The following NT5C1A variants were observed in gnomAD, a reference collection of about 807,000 sequenced individuals.
NT5C1A encodes cytosolic 5'-nucleotidase 1A.
In NT5C1A, 18 loss-of-function variants were observed where a neutral mutation model predicts 31.0. That is an observed-to-expected ratio of 0.58 (90% confidence interval 0.40 to 0.86). The LOEUF is 0.86. NT5C1A is among the 40% of genes least tolerant of loss of function. The pLI, the probability that NT5C1A is intolerant of heterozygous loss-of-function variation, is 0.00. For synonymous variants in NT5C1A, 185 were observed against 203.6 expected (o/e 0.91, Z 0.78); for missense variants, 470 against 505.4 (o/e 0.93, Z 0.67).
intron 1 of NT5C1A, among the ~76,000 whole-genome samples, chr1:39,670,869 T>TC (rs11306359): frequency 0.15 from 22,867 of 150,194 alleles, 2,594 homozygotes; most frequent in East Asian, 0.42. Flanking sequence ...ACTACTCTAC[T>TC]CCCCCCCCAA....
chr1:39,653,377 TAC>T lies in NT5C1A; in HGVS notation c.*5742_*5743del, dbSNP rs113762538. On this transcript the variant is annotated 3_prime_UTR_variant, in exon 6 of 6. Transcript: ENST00000235628. ...GATAACCATCTGTACACATAGTGAG[TAC>T]ACACACACACACAGAGTCATTGGCT... 2.6e-5 allele frequency among the ~76,000 whole-genome samples: 4 copies of T among 151,092 alleles called. No individual in the cohort carries two copies. The highest frequency in any genetic ancestry group is 4.4e-5 in the Non-Finnish European group (3 of 67,656).
rs998808385 is a variant in NT5C1A, at chr1:39,657,106, G to A, written c.*2015C>T. Among the ~76,000 whole-genome samples, 9 of 152,180 alleles carry A rather than the reference G, an allele frequency of 5.9e-5. No homozygotes were observed. The highest frequency in any genetic ancestry group is 1.3e-4 in the Non-Finnish European group (9 of 68,040). Reference sequence around the variant, plus strand: ...CCCTTCCAGGGGCAATAATGCCAGTGTCCCCTGATAAAGCAGTCACTGTGG... The same window carrying A: ...CCCTTCCAGGGGCAATAATGCCAGTATCCCCTGATAAAGCAGTCACTGTGG... On this transcript the variant is annotated 3_prime_UTR_variant, in exon 6 of 6. Coordinates refer to ENST00000235628, the MANE Select transcript of NT5C1A (RefSeq NM_032526.3).
chr1:39,651,768 G>A lies in NT5C1A; in HGVS notation c.*7353C>T, dbSNP rs1646433412. ...TCGTAGGCCGAGTGTGGTGGCTCAC[G>A]CCTGTAATCCCAGCACTTTGGGAGG... On this transcript the variant is annotated 3_prime_UTR_variant, in exon 6 of 6. Coordinates refer to ENST00000235628, the MANE Select transcript of NT5C1A (RefSeq NM_032526.3). Among the ~76,000 whole-genome samples the A allele has an allele frequency of 1.3e-5, 2 of 152,130 alleles. No individual in the cohort carries two copies. The highest frequency in any genetic ancestry group is 3.4e-3 in the Middle Eastern group (1 of 294).
chr1:39,664,158 T>C (rs893242423), intron 3 of NT5C1A, among the ~76,000 whole-genome samples: 21 of 151,572 alleles, frequency 1.4e-4, no homozygotes, highest in Non-Finnish European at 2.5e-4. Flanking sequence ...TCTTTCTTTC[T>C]TTTTTTTCGT....
chr1:39,661,423 T>C (rs1162498996), intron 4 of NT5C1A, among the ~76,000 whole-genome samples, 160 bp from the exon 5 acceptor site: 1 of 152,204 alleles, frequency 6.6e-6, no homozygotes, highest in African/African-American at 2.4e-5. Flanking sequence ...AGTGCATGGA[T>C]CCTGGCCAAG....
chr1:39,661,980 G>A (rs1406319866), intron 4 of NT5C1A, among the ~76,000 whole-genome samples: 1 of 152,182 alleles, frequency 6.6e-6, no homozygotes, highest in Admixed American at 6.5e-5. Flanking sequence ...CACAAGTGAT[G>A]GCTAGTTGTG....
At chr1:39,671,700 G>C (rs530772563) in intron 1 of NT5C1A, among the ~76,000 whole-genome samples, 1 of 152,234 alleles carries the variant, frequency 6.6e-6, no homozygotes, top group African/African-American at 2.4e-5. Context: ...GCCTGGCGTG[G>C]AACCCGAGTC....
At chr1:39,662,281 C>T (rs2124153686) in intron 4 of NT5C1A, among the ~76,000 whole-genome samples, 1 of 152,302 alleles carries the variant, frequency 6.6e-6, no homozygotes, top group East Asian at 1.9e-4. Flanking sequence ...AGGGCCAGTG[C>T]CAGGCATCAA....
At chr1:39,661,972 C>T (rs1032468051) in intron 4 of NT5C1A, among the ~76,000 whole-genome samples, 2 of 152,284 alleles carry the variant, frequency 1.3e-5, no homozygotes, top group Admixed American at 1.3e-4. Context: ...GGAGACAGCA[C>T]AAGTGATGGC....
In NT5C1A at chr1:39,671,906, A is replaced by T. The variant is rs1447506039; in HGVS notation, c.133T>A (p.Ser45Thr). The part of the protein sequence containing the change: ...DNLAPKKKPK[S>T]PKPQNAVTIA... ...GCATACCCGTGCATTGCTTTTACCG[A>T]TTTGGGTTTCTTCTTGGGCGCGAGG... The change falls in exon 1 of 6, where the codon TCG (serine) becomes ACG (threonine). Residue 45 changes from serine (S) to threonine (T), a missense_variant and splice_region_variant. Physicochemically the swap from Ser to Thr is moderately conservative, Grantham distance 58. Coordinates refer to ENST00000235628, the MANE Select transcript of NT5C1A (RefSeq NM_032526.3). 6.2e-7 allele frequency: 1 copy of T among 1,613,042 alleles called. No homozygotes were observed.
At chr1:39,671,647 C>A (rs1408802977) in intron 1 of NT5C1A, among the ~76,000 whole-genome samples, 1 of 151,864 alleles carries the variant, frequency 6.6e-6, no homozygotes, top group Admixed American at 6.5e-5. Context: ...GCTGGGGCTG[C>A]GGGCCTCTAG....
chr1:39,665,366 T>TTTTG (rs532799504), intron 3 of NT5C1A, among the ~76,000 whole-genome samples, 155 bp downstream of exon 3: 2 of 152,038 alleles, frequency 1.3e-5, no homozygotes, highest in Non-Finnish European at 2.9e-5. Flanking sequence ...CAAGTCAGGG[T>TTTTG]TTTGTTTGTT....
rs891359898 is a variant in NT5C1A at position 39,653,116 on chromosome 1, A to T, written c.*6005T>A. Among the ~76,000 whole-genome samples the T allele has an allele frequency of 1.4e-4, 21 of 152,144 alleles. No homozygotes were observed. Among genetic ancestry groups the T allele is most frequent in the African/African-American group, 5.1e-4 (21 of 41,426 alleles). Reference sequence around the variant, plus strand: ...AAGAAACAAATGGAGATGATGAGGCAGGTATAGTCAAAAGGATTGCCCTTA... The same window carrying T: ...AAGAAACAAATGGAGATGATGAGGCTGGTATAGTCAAAAGGATTGCCCTTA... On this transcript the variant is annotated 3_prime_UTR_variant, in exon 6 of 6. Coordinates refer to ENST00000235628, the MANE Select transcript of NT5C1A (RefSeq NM_032526.3).
chr1:39,656,992 C>T lies in NT5C1A; in HGVS notation c.*2129G>A, dbSNP rs983665160. Among the ~76,000 whole-genome samples, 33 of 152,240 alleles carry T rather than the reference C, an allele frequency of 2.2e-4. No homozygotes were observed. Among genetic ancestry groups the T allele is most frequent in the African/African-American group, 7.0e-4 (29 of 41,450 alleles). On this transcript the variant is annotated 3_prime_UTR_variant, in exon 6 of 6. Coordinates refer to ENST00000235628, the MANE Select transcript of NT5C1A (RefSeq NM_032526.3). ...TGGAGCTCTGGAAGTAGACACAACC[C>T]GGGTCTTCTGCCCCAAGGCCTCCTC... is the stretch of plus-strand genomic sequence containing the variant.
At position 39,666,180 on chromosome 1, in the gene NT5C1A, C is replaced by T. The variant is rs1369559229; in HGVS notation, c.192G>A (p.Met64Ile). Residue 64 changes from methionine (M) to isoleucine (I), a missense_variant, in exon 2 of 6, where the codon ATG becomes ATA. Coordinates refer to ENST00000235628, the MANE Select transcript of NT5C1A (RefSeq NM_032526.3). ...CCGTGTAGATCTGCTGCTCCTCGTC[C>T]ATGCGAAACAAGGCTCGGGAGGACA... Reference protein sequence around the residue: ...IAVSSRALFRMDEEQQIYTEQ... With the variant: ...IAVSSRALFRIDEEQQIYTEQ... 1 of 1,591,960 alleles carries T rather than the reference C, an allele frequency of 6.3e-7. No individual in the cohort carries two copies. Among genetic ancestry groups the T allele is most frequent in the Admixed American group, 1.7e-5 (1 of 57,920 alleles).
chr1:39,666,379 G>A, intron 1 of NT5C1A, 143 bp from the exon 2 acceptor site: 1 of 754,794 alleles, frequency 1.3e-6, no homozygotes, highest in Non-Finnish European at 2.1e-6. Context: ...TTGAGCAGAT[G>A]TGGACTTAGG....
At chr1:39,671,873 C>G in intron 1 of NT5C1A, 31 bp downstream of exon 1, 1 of 1,611,436 alleles carries the variant, frequency 6.2e-7, no homozygotes, top group Non-Finnish European at 8.5e-7. Context: ...ACCCTTCCCC[C>G]GTCCCCCGCA....
chr1:39,671,239 T>C (rs1646549721), intron 1 of NT5C1A, among the ~76,000 whole-genome samples: 1 of 152,146 alleles, frequency 6.6e-6, no homozygotes, highest in South Asian at 2.1e-4. Flanking sequence ...CCCAGACGGT[T>C]GACACCACCA....
rs990824526 is a variant in NT5C1A, at chr1:39,663,384, A to G, written c.484T>C (p.Tyr162His). Residue 162 changes from tyrosine to histidine, a missense_variant, in exon 4 of 6, where the codon TAC becomes CAC. Tyr to His is a moderately conservative substitution (Grantham distance 83). Coordinates refer to ENST00000235628, the MANE Select transcript of NT5C1A (RefSeq NM_032526.3). The part of the protein sequence containing the change: ...CMTGGNSPIC[Y>H]LKAYHTNLYL... ...AGGTTGGTGTGATAGGCCTTGAGGT[A>G]GCAGATCGGGCTGTTCCCACCTGTC... is the stretch of plus-strand genomic sequence containing the variant. 17 of 1,614,006 alleles carry G rather than the reference A, an allele frequency of 1.1e-5. No individual in the cohort carries two copies. Among genetic ancestry groups the G allele is most frequent in the Non-Finnish European group, 1.4e-5 (17 of 1,180,006 alleles).
Sources: gnomAD v4.1 joint callset for allele counts (sites outside exome capture counted in the v4.1 genomes callset) on GRCh38, gnomAD v4.1.1 for gene constraint, MANE v1.5 for transcripts, NCBI Gene and HGNC (gene_info 2026-07-23, HGNC 2026-07-21) for gene names.